PTPRG: variants seen among roughly 807,000 people sequenced by gnomAD.
PTPRG encodes protein tyrosine phosphatase receptor type G, also known as receptor-type tyrosine-protein phosphatase gamma.
In PTPRG, 102 loss-of-function variants were observed where a neutral mutation model predicts 165.3. The ratio of observed to expected loss-of-function variants is 0.62; its 90% CI spans 0.53 to 0.73. The LOEUF (loss-of-function observed/expected upper bound fraction) is 0.73. Ranked by LOEUF, PTPRG falls within the 30% of genes least tolerant of loss-of-function variation. The pLI is 0.00. For synonymous variants in PTPRG, 675 were observed against 669.5 expected (o/e 1.01, Z -0.13); for missense variants, 1,866 against 1,861.4 (o/e 1.00, Z -0.05).
chr3:61,644,124 C>T (rs915244228), intron 1 of PTPRG, among the ~76,000 whole-genome samples: 2 of 152,110 alleles, frequency 1.3e-5, no homozygotes, highest in Non-Finnish European at 2.9e-5. Context: ...AATTATGTGC[C>T]CTGGAGTTCT....
chr3:62,261,679 C>G (rs1471178163), intron 16 of PTPRG: 1 of 150,784 alleles, frequency 6.6e-6, no homozygotes, highest in Non-Finnish European at 1.5e-5. Flanking sequence ...ATTGGAGAGT[C>G]ATTGAATACT....
intron 1 of PTPRG, among the ~76,000 whole-genome samples, chr3:61,619,151 T>C (rs1440598262): frequency 6.6e-6 from 1 of 152,016 alleles, no homozygotes; most frequent in East Asian, 1.9e-4. Flanking sequence ...AGTAAGACCC[T>C]GTCTCAAAAA....
intron 3 of PTPRG, among the ~76,000 whole-genome samples, chr3:61,993,947 T>C (rs968965202): frequency 6.6e-6 from 1 of 152,222 alleles, no homozygotes; most frequent in Non-Finnish European, 1.5e-5. Flanking sequence ...CTTAATCCCC[T>C]GAGAGTGCTA....
intron 5 of PTPRG, among the ~76,000 whole-genome samples, chr3:62,097,228 C>T (rs1230388794): frequency 3.9e-5 from 6 of 152,170 alleles, no homozygotes; most frequent in Non-Finnish European, 2.9e-5. Context: ...AAAGGACGCC[C>T]TTTTCAGTTC....
At chr3:61,672,343 C>G (rs1244606402) in intron 1 of PTPRG, among the ~76,000 whole-genome samples, 13 of 136,792 alleles carry the variant, frequency 9.5e-5, no homozygotes, top group South Asian at 2.6e-4. Context: ...GCTGCAATCT[C>G]GGCACTTTGG....
intron 1 of PTPRG, among the ~76,000 whole-genome samples, chr3:61,746,684 C>A (rs1034327018): frequency 1.3e-5 from 2 of 152,104 alleles, no homozygotes; most frequent in Non-Finnish European, 2.9e-5. Flanking sequence ...ACTGGGGCCA[C>A]GAGAATGGTT....
intron 5 of PTPRG, among the ~76,000 whole-genome samples, chr3:62,085,803 CT>C (rs1701733861): frequency 1.3e-5 from 2 of 152,276 alleles, no homozygotes; most frequent in Admixed American, 1.3e-4. Context: ...TTTGTTCACT[CT>C]GCATATTTCT....
chr3:62,292,525 A>G lies in PTPRG; in HGVS notation c.4160A>G (p.Asn1387Ser), dbSNP rs1427575715. ...GTTTTCCAGGTTGCAAAAATGATCA[A>G]TCTTATGAGGCCTGGAGTATTCACA... ...VDVFQVAKMI[N>S]LMRPGVFTDI... is the part of the protein sequence containing the mutation. Residue 1387 changes from asparagine to serine, a missense_variant, in exon 29 of 30, where the codon AAT (asparagine) becomes AGT (serine). Asn to Ser is a conservative substitution (Grantham distance 46). This residue lies in a region of PTPRG where 1,452 missense variants were observed against 1,463.0 expected (regional missense o/e 0.99). Transcript: ENST00000474889. 8 of 1,613,512 alleles carry G rather than the reference A, an allele frequency of 5.0e-6. No homozygotes were observed. Among genetic ancestry groups the G allele is most frequent in the Non-Finnish European group, 5.9e-6 (7 of 1,179,674 alleles).
In PTPRG at chr3:62,273,857, A is replaced by G. The variant is rs1160975634; in HGVS notation, c.3465+13A>G. 1.2e-6 allele frequency: 2 copies of G among 1,611,146 alleles called. No individual in the cohort carries two copies. Among genetic ancestry groups the G allele is most frequent in the Non-Finnish European group, 1.7e-6 (2 of 1,178,068 alleles). ...AAAGCAATTCAAGGTAGTGCTTTGAAAAAGTTTCTTTGGCATAAAGCAAGA... is the reference window on the plus strand; with the variant it reads ...AAAGCAATTCAAGGTAGTGCTTTGAGAAAGTTTCTTTGGCATAAAGCAAGA... On this transcript the variant is annotated intron_variant, in intron 23 of 29. Coordinates refer to ENST00000474889, the MANE Select transcript of PTPRG (RefSeq NM_002841.4). This position sits in a 1 kb window ranked among gnomAD's most constrained non-coding sequence, Gnocchi z 4.1.
chr3:61,764,784 A>T (rs568922750), intron 2 of PTPRG, among the ~76,000 whole-genome samples: 69 of 152,264 alleles, frequency 4.5e-4, no homozygotes, highest in Non-Finnish European at 7.2e-4. Context: ...CTTAGGATAA[A>T]TTTTGCATTG....
intron 2 of PTPRG, among the ~76,000 whole-genome samples, chr3:61,823,376 A>G (rs976476207): frequency 1.1e-4 from 16 of 152,144 alleles, no homozygotes; most frequent in Non-Finnish European, 1.6e-4. Flanking sequence ...TTTTTAGTAG[A>G]GACGGGTTTC....
At chr3:62,242,494 T>C (rs1701182445) in intron 14 of PTPRG, among the ~76,000 whole-genome samples, 2 of 152,228 alleles carry the variant, frequency 1.3e-5, no homozygotes, top group Admixed American at 1.3e-4. Flanking sequence ...ACTTTCCATC[T>C]GAAAATAGGC....
chr3:62,048,562 A>G (rs1700368977), intron 4 of PTPRG, among the ~76,000 whole-genome samples: 1 of 152,220 alleles, frequency 6.6e-6, no homozygotes, highest in African/African-American at 2.4e-5. Context: ...TATCCACCAG[A>G]AGGGCAACCT....
At position 61,925,692 on chromosome 3, in the gene PTPRG, A is replaced by G. The variant is rs375182070; in HGVS notation, c.191-63933A>G. On this transcript the variant is annotated intron_variant, in intron 2 of 29. Coordinates refer to ENST00000474889, the MANE Select transcript of PTPRG (RefSeq NM_002841.4). ...TGGGAGGCGGAGGTTGCAGTGAGCC[A>G]AGACTGTGCCACTGCCTTCCAGCCT... Among the ~76,000 whole-genome samples the G allele has an allele frequency of 3.7e-4, 56 of 152,196 alleles. 1 individual carries two copies. The South Asian group carries it at 0.011, about 31-fold the overall frequency.
chr3:61,947,074 A>G (rs570198893), intron 2 of PTPRG, among the ~76,000 whole-genome samples: 42 of 152,294 alleles, frequency 2.8e-4, no homozygotes, highest in African/African-American at 8.4e-4. Context: ...CGTTCTTTTA[A>G]CAATAGCCAA....
chr3:61,569,435 A>T, intron 1 of PTPRG, among the ~76,000 whole-genome samples: 1 of 152,232 alleles, frequency 6.6e-6, no homozygotes, highest in East Asian at 1.9e-4. Context: ...AGTGCTGTGC[A>T]TGGTAAACAG....
intron 5 of PTPRG, among the ~76,000 whole-genome samples, chr3:62,099,986 A>T (rs1032058874): frequency 1.3e-5 from 2 of 151,844 alleles, no homozygotes; most frequent in Admixed American, 1.3e-4. Context: ...TTTAGTAGAG[A>T]CAGGGTTTCA....
chr3:62,203,482 G>T lies in PTPRG; in HGVS notation c.1687G>T (p.Gly563Trp). Residue 563 changes from glycine to tryptophan, a missense_variant, in exon 12 of 30, where the codon GGG becomes TGG. Gly to Trp is a radical substitution (Grantham distance 184). Transcript: ENST00000474889. This position sits in a 1 kb window ranked among gnomAD's most constrained non-coding sequence, Gnocchi z 6.4. Reference sequence around the variant, plus strand: ...CACCACAGAGGCCTTGGCTTCTCCAGGGCCCGATGGTGATTCGTCACCAAC... The same window carrying T: ...CACCACAGAGGCCTTGGCTTCTCCATGGCCCGATGGTGATTCGTCACCAAC... ...LATTEALASP[G>W]PDGDSSPTKD... 6.4e-7 allele frequency: 1 copy of T among 1,572,562 alleles called. No homozygotes were observed. Among genetic ancestry groups the T allele is most frequent in the Non-Finnish European group, 8.6e-7 (1 of 1,158,010 alleles).
intron 2 of PTPRG, among the ~76,000 whole-genome samples, chr3:61,965,410 C>T (rs1178424764): frequency 6.6e-6 from 1 of 151,064 alleles, no homozygotes; most frequent in Non-Finnish European, 1.5e-5. Context: ...ATGGCTTGAA[C>T]CCAGGAGGTG....
Sources: allele counts gnomAD v4.1 joint callset (sites outside exome capture counted in the v4.1 genomes callset), GRCh38; gene constraint gnomAD v4.1.1; regional missense constraint gnomAD v4.1.1; non-coding constraint Gnocchi (gnomAD v3.1); transcripts MANE v1.5; gene names NCBI Gene and HGNC (gene_info 2026-07-23, HGNC 2026-07-21).